P2RY14: variants seen among roughly 807,000 people sequenced by gnomAD.
P2RY14 encodes the protein purinergic receptor P2Y14.
In P2RY14, 2 loss-of-function variants were observed where a neutral mutation model predicts 0.9. The observed-to-expected ratio is 2.16, with a 90% CI of 0.88 to 6.79. The LOEUF is 6.79. P2RY14 is among the 30% of genes most tolerant of loss of function. P2RY14 has a pLI of 0.05. For missense variants in P2RY14, 378 were observed against 400.1 expected (o/e 0.94, Z 0.47); for synonymous variants, 158 against 147.2 (o/e 1.07, Z -0.53).
chr3:151,249,219 G>A (rs1200813999), intron 1 of P2RY14: 1 of 152,174 alleles, frequency 6.6e-6, no homozygotes, highest in Non-Finnish European at 1.5e-5. Context: ...GACTGAGCAA[G>A]TGAGAGCTCC....
chr3:151,229,305 C>CTT lies in P2RY14; in HGVS notation c.-132-9665_-132-9664dup, dbSNP rs35097589. On this transcript the variant is annotated intron_variant, in intron 1 of 2. Transcript: ENST00000309170. ...GTAATAACTTATAAATTCAGCAATT[C>CTT]TTTTTTTTTTTTTTTTTTTTGAGAT... 6.8e-4 allele frequency among the ~76,000 whole-genome samples: 77 copies of CTT among 112,510 alleles called. 1 individual carries two copies. Among genetic ancestry groups the CTT allele is most frequent in the African/African-American group, 8.8e-4 (24 of 27,230 alleles). The allele number at this position is 112,510 out of a possible 152,430, so 73.8% of individuals were successfully genotyped here.
intron 1 of P2RY14, chr3:151,270,196 CGTGTGTGTGTGTG>C (rs1322863280): frequency 7.7e-6 from 1 of 129,646 alleles, no homozygotes; most frequent in Non-Finnish European, 1.5e-5. Context: ...AGCAAGCTGT[CGTGTGTGTGTGTG>C]TGTGTGTGTG....
chr3:151,251,042 C>T (rs1043748423), intron 1 of P2RY14, among the ~76,000 whole-genome samples: 1 of 152,200 alleles, frequency 6.6e-6, no homozygotes, highest in African/African-American at 2.4e-5. Context: ...CTTTGGCATA[C>T]TGCCCTTGTA....
At chr3:151,267,741 C>CATTAAAAAGAATTGCCT (rs1740113614) in intron 1 of P2RY14, among the ~76,000 whole-genome samples, 2 of 151,948 alleles carry the variant, frequency 1.3e-5, no homozygotes, top group South Asian at 4.1e-4. Flanking sequence ...TGGCCTAATT[C>CATTAAAAAGAATTGCCT]ATTAAAAAGA....
intron 1 of P2RY14, among the ~76,000 whole-genome samples, chr3:151,229,700 C>T (rs546014969): frequency 1.3e-5 from 2 of 151,872 alleles, no homozygotes; most frequent in South Asian, 2.1e-4. Context: ...CTCCTGACCT[C>T]GTGATCCGCC....
chr3:151,241,076 T>C (rs533800069), intron 1 of P2RY14, among the ~76,000 whole-genome samples: 1 of 152,014 alleles, frequency 6.6e-6, no homozygotes, highest in East Asian at 1.9e-4. Context: ...CTCATGGGAG[T>C]TTAGTACTTG....
rs1341199527 is a variant in P2RY14, at chr3:151,233,563, G to C, written c.-132-13921C>G. Among the ~76,000 whole-genome samples the C allele has an allele frequency of 2.0e-5, 3 of 152,144 alleles. No individual in the cohort carries two copies. The East Asian group carries it at 5.8e-4, about 29-fold the overall frequency. ...AGCCTGACCAACATGGAGAAACCCTGTCTCTACTAAAAATACAAAATTAGC... is the reference window on the plus strand; with the variant it reads ...AGCCTGACCAACATGGAGAAACCCTCTCTCTACTAAAAATACAAAATTAGC... On this transcript the variant is annotated intron_variant, in intron 1 of 2. Coordinates refer to ENST00000309170, the MANE Select transcript of P2RY14 (RefSeq NM_014879.4).
At chr3:151,273,928 C>T (rs1741433560) in intron 1 of P2RY14, among the ~76,000 whole-genome samples, 1 of 152,194 alleles carries the variant, frequency 6.6e-6, no homozygotes, top group Non-Finnish European at 1.5e-5. Context: ...TGTTATGAGG[C>T]TAAGACAGAG....
chr3:151,234,366 T>C (rs1018914219), intron 1 of P2RY14, among the ~76,000 whole-genome samples: 1 of 152,228 alleles, frequency 6.6e-6, no homozygotes, highest in African/African-American at 2.4e-5. Flanking sequence ...AAATTGTCTG[T>C]CTAGGTATTG....
intron 1 of P2RY14, among the ~76,000 whole-genome samples, chr3:151,267,363 T>G (rs1740039243): frequency 6.6e-6 from 1 of 152,222 alleles, no homozygotes; most frequent in Non-Finnish European, 1.5e-5. Context: ...TGTAATCAAA[T>G]TTAAGTAGCT....
Position 151,258,630 on chromosome 3 carries a change from C to T in P2RY14, c.-133+19657G>A, listed in dbSNP as rs536251121. ...TTTAGATCTAGCCTCAACAAATAAA[C>T]ATCCTTGGGCTTTTTAAGAGTCCAG... On this transcript the variant is annotated intron_variant, in intron 1 of 2. Transcript: ENST00000309170. 5.3e-5 allele frequency among the ~76,000 whole-genome samples: 8 copies of T among 152,108 alleles called. No individual in the cohort carries two copies. The South Asian group carries it at 1.7e-3, about 32-fold the overall frequency.
At chr3:151,271,200 A>G (rs1045664559) in intron 1 of P2RY14, among the ~76,000 whole-genome samples, 1 of 152,220 alleles carries the variant, frequency 6.6e-6, no homozygotes, top group Non-Finnish European at 1.5e-5. Context: ...CTTAAAAAAA[A>G]TGCTGAAAAG....
chr3:151,276,108 C>G (rs1741809154), intron 1 of P2RY14, among the ~76,000 whole-genome samples: 1 of 152,134 alleles, frequency 6.6e-6, no homozygotes, highest in South Asian at 2.1e-4. Flanking sequence ...TCAATTATGC[C>G]CAGACAACAG....
At chr3:151,225,859 A>G (rs769569119) in intron 1 of P2RY14, among the ~76,000 whole-genome samples, 15 of 152,162 alleles carry the variant, frequency 9.9e-5, no homozygotes, top group Non-Finnish European at 2.1e-4. Flanking sequence ...CAGTTATTCT[A>G]TTTCCTGACC....
intron 1 of P2RY14, among the ~76,000 whole-genome samples, chr3:151,227,960 T>A (rs1730875616): frequency 6.6e-6 from 1 of 152,214 alleles, no homozygotes; most frequent in African/African-American, 2.4e-5. Context: ...CCCACACATT[T>A]CTAAATTTTC....
intron 1 of P2RY14, among the ~76,000 whole-genome samples, chr3:151,252,503 G>A (rs1046663703): frequency 5.3e-5 from 8 of 151,958 alleles, no homozygotes; most frequent in African/African-American, 1.9e-4. Flanking sequence ...TGCATCTTTG[G>A]CACCTGACAT....
At chr3:151,278,229 G>C (rs972566702) in intron 1 of P2RY14, 58 bp downstream of exon 1, 2 of 152,192 alleles carry the variant, frequency 1.3e-5, no homozygotes, top group African/African-American at 4.8e-5. Flanking sequence ...AATCTTTTCT[G>C]TTCCCATGCA....
intron 1 of P2RY14, among the ~76,000 whole-genome samples, chr3:151,240,905 T>C (rs1486951049): frequency 6.6e-6 from 1 of 152,238 alleles, no homozygotes; most frequent in African/African-American, 2.4e-5. Context: ...CTTGATTAGC[T>C]GTGTCATCTT....
chr3:151,222,183 A>G (rs1729498225), intron 1 of P2RY14, among the ~76,000 whole-genome samples: 1 of 152,218 alleles, frequency 6.6e-6, no homozygotes, highest in Admixed American at 6.5e-5. Flanking sequence ...ACTGCATTGT[A>G]TCTAGGAAGT....
Sources: gnomAD v4.1 joint callset for allele counts (sites outside exome capture counted in the v4.1 genomes callset) on GRCh38, gnomAD v4.1.1 for gene constraint, MANE v1.5 for transcripts, NCBI Gene and HGNC (gene_info 2026-07-23, HGNC 2026-07-21) for gene names.